Variants in CACNA2D3 observed in about 807,000 individuals in gnomAD.
The protein encoded by CACNA2D3 is calcium voltage-gated channel auxiliary subunit alpha2delta 3, also known as voltage-dependent calcium channel subunit alpha-2/delta-3.
In CACNA2D3, 60 loss-of-function variants were observed where a neutral mutation model predicts 160.6. The ratio of observed to expected loss-of-function variants is 0.37; its 90% confidence interval spans 0.30 to 0.46. The LOEUF (loss-of-function observed/expected upper bound fraction) is 0.46. Ranked by LOEUF, CACNA2D3 falls within the 20% of genes least tolerant of loss-of-function variation. The pLI, the probability that CACNA2D3 is intolerant of heterozygous loss-of-function variation, is 1.00. For missense variants in CACNA2D3, 1,205 were observed against 1,365.0 expected, an observed-to-expected ratio of 0.88 and a Z score of 1.85; for synonymous variants, 558 against 492.9, an observed-to-expected ratio of 1.13 and a Z score of -1.75.
intron 35 of CACNA2D3, among the ~76,000 whole-genome samples, chr3:55,068,590 T>C (rs1220463265): frequency 6.6e-6 from 1 of 152,218 alleles, no homozygotes; most frequent in East Asian, 1.9e-4. Context: ...TAGTCCTAAA[T>C]ATTCTTAAAT....
At chr3:54,695,537 A>G (rs967428482) in intron 11 of CACNA2D3, among the ~76,000 whole-genome samples, 5 of 152,276 alleles carry the variant, frequency 3.3e-5, no homozygotes, top group South Asian at 2.1e-4. Flanking sequence ...GGAGAGTTCT[A>G]TTAATGCACA....
At chr3:54,797,284 CTT>C (rs1333881435) in intron 13 of CACNA2D3, among the ~76,000 whole-genome samples, 1 of 152,164 alleles carries the variant, frequency 6.6e-6, no homozygotes, top group Non-Finnish European at 1.5e-5. Context: ...ATGTATCTCT[CTT>C]TGTTCAGGAA....
intron 17 of CACNA2D3, among the ~76,000 whole-genome samples, chr3:54,862,726 C>T (rs939869317): frequency 2.0e-5 from 3 of 152,150 alleles, no homozygotes; most frequent in Non-Finnish European, 2.9e-5. Flanking sequence ...TCAATGGGCC[C>T]GAACTACTTA....
chr3:54,685,114 T>C (rs1414865038), intron 11 of CACNA2D3, among the ~76,000 whole-genome samples: 8 of 152,136 alleles, frequency 5.3e-5, no homozygotes, highest in Admixed American at 5.2e-4. Flanking sequence ...GTGGGGCATA[T>C]TTCTGAGGGT....
At chr3:54,667,671 G>T (rs1413861694) in intron 11 of CACNA2D3, among the ~76,000 whole-genome samples, 1 of 152,210 alleles carries the variant, frequency 6.6e-6, no homozygotes, top group Non-Finnish European at 1.5e-5. Flanking sequence ...AAGGTCAGGT[G>T]CCGTGGCTCA....
At chr3:54,276,167 C>A (rs73841932) in intron 2 of CACNA2D3, among the ~76,000 whole-genome samples, 2,135 of 152,202 alleles carry the variant, frequency 0.014, 58 homozygotes, top group African/African-American at 0.049. Flanking sequence ...AATGAATGTG[C>A]CCTGCGCCCT....
chr3:54,826,674 C>T lies in CACNA2D3; in HGVS notation c.1398+9804C>T, dbSNP rs1159380464. On this transcript the variant is annotated intron_variant, in intron 14 of 37. Coordinates refer to ENST00000474759, the MANE Select transcript of CACNA2D3 (RefSeq NM_018398.3). ...GACTCCCTTCCTCTATAACAACTTC[C>T]TTCCCAGTGTGCATCCTTCCTAATC... Among the ~76,000 whole-genome samples the T allele has an allele frequency of 3.9e-5, 6 of 152,250 alleles. No homozygotes were observed. The South Asian group carries it at 1.2e-3, about 32-fold the overall frequency.
chr3:55,066,985 C>A (rs1460538416), intron 35 of CACNA2D3, among the ~76,000 whole-genome samples: 2 of 152,052 alleles, frequency 1.3e-5, no homozygotes, highest in Non-Finnish European at 2.9e-5. Flanking sequence ...ACATTGTACA[C>A]ATAAATGTAC....
intron 2 of CACNA2D3, among the ~76,000 whole-genome samples, chr3:54,207,798 C>T (rs368800950): frequency 6.6e-6 from 1 of 151,954 alleles, no homozygotes; most frequent in East Asian, 1.9e-4. Flanking sequence ...ATCATGGGAG[C>T]CACGAGATAG....
intron 2 of CACNA2D3, among the ~76,000 whole-genome samples, chr3:54,240,723 A>G (rs550645731): frequency 6.6e-6 from 1 of 151,900 alleles, no homozygotes; most frequent in Non-Finnish European, 1.5e-5. Flanking sequence ...TAAAGTTTGG[A>G]GTTTTGTTTT....
At chr3:54,577,504 T>C (rs745486195) in intron 8 of CACNA2D3, among the ~76,000 whole-genome samples, 3 of 152,192 alleles carry the variant, frequency 2.0e-5, no homozygotes, top group Non-Finnish European at 4.4e-5. Flanking sequence ...ATGCCCCTGT[T>C]CCAAAGAGTG....
At chr3:54,884,115 A>G (rs1185820078) in intron 21 of CACNA2D3, among the ~76,000 whole-genome samples, 2 of 152,138 alleles carry the variant, frequency 1.3e-5, no homozygotes, top group African/African-American at 4.8e-5. Flanking sequence ...GAAGGAAGGA[A>G]AGTTGTTTGG....
At chr3:54,650,851 C>T (rs1239662676) in intron 11 of CACNA2D3, among the ~76,000 whole-genome samples, 13 of 152,126 alleles carry the variant, frequency 8.5e-5, no homozygotes, top group Non-Finnish European at 1.5e-5. Flanking sequence ...ATTTATAAAC[C>T]AATACTAATG....
At chr3:54,912,435 C>T (rs1415894807) in intron 27 of CACNA2D3, among the ~76,000 whole-genome samples, 1 of 152,060 alleles carries the variant, frequency 6.6e-6, no homozygotes, top group Admixed American at 6.5e-5. Flanking sequence ...ATCTCAGCTC[C>T]TTCTACTTCC....
intron 4 of CACNA2D3, among the ~76,000 whole-genome samples, chr3:54,435,696 C>T (rs1700049497): frequency 6.6e-6 from 1 of 152,132 alleles, no homozygotes; most frequent in Non-Finnish European, 1.5e-5. Flanking sequence ...AATCACTCAC[C>T]ATACCAAGAA....
Position 54,389,943 on chromosome 3 carries a change from C to T in CACNA2D3, c.381+3169C>T, listed in dbSNP as rs144853549. Among the ~76,000 whole-genome samples, 530 of 152,314 alleles carry T rather than the reference C, an allele frequency of 3.5e-3. 6 individuals are homozygous for T. The highest frequency in any genetic ancestry group is 6.8e-3 in the Middle Eastern group (2 of 294). On this transcript the variant is annotated intron_variant, in intron 4 of 37. Transcript: ENST00000474759. ...GGATTGTTGGATCTTCATCCCTATA[C>T]TGTGATTATGTTAAGGAATGTCCTC... is the stretch of plus-strand genomic sequence containing the variant.
At chr3:54,316,662 T>G (rs1442941260) in intron 2 of CACNA2D3, among the ~76,000 whole-genome samples, 1 of 152,156 alleles carries the variant, frequency 6.6e-6, no homozygotes, top group Non-Finnish European at 1.5e-5. Context: ...TGTGCTGAGA[T>G]TAGTTAGCGA....
At chr3:54,587,055 A>C (rs1004394372) in intron 9 of CACNA2D3, among the ~76,000 whole-genome samples, 18 of 152,084 alleles carry the variant, frequency 1.2e-4, no homozygotes, top group Admixed American at 9.8e-4. Context: ...ATATACTTAC[A>C]TATTTAAGTT....
chr3:54,913,703 G>A (rs1392755637), intron 27 of CACNA2D3, among the ~76,000 whole-genome samples: 1 of 152,144 alleles, frequency 6.6e-6, no homozygotes, highest in Non-Finnish European at 1.5e-5. Flanking sequence ...GGCAGTGCCA[G>A]GAAAGGATCC....
Sources: allele counts gnomAD v4.1 joint callset (sites outside exome capture counted in the v4.1 genomes callset), GRCh38; gene constraint gnomAD v4.1.1; transcripts MANE v1.5; gene names NCBI Gene and HGNC (gene_info 2026-07-23, HGNC 2026-07-21).